The following PACSIN1 variants were observed in gnomAD, a reference collection of about 807,000 sequenced individuals.
The protein encoded by PACSIN1 is protein kinase C and casein kinase substrate in neurons 1.
Under a neutral mutation model 59.5 loss-of-function variants are expected in PACSIN1, and 15 were observed. The ratio of observed to expected loss-of-function variants is 0.25; its 90% CI spans 0.17 to 0.39. The LOEUF is 0.39. PACSIN1 is among the 10% of genes least tolerant of loss of function. The pLI, the probability that PACSIN1 is intolerant of heterozygous loss-of-function variation, is 1.00. For synonymous variants in PACSIN1, 210 were observed against 220.6 expected, an observed-to-expected ratio of 0.95 and a Z score of 0.42; for missense variants, 420 against 580.2, an observed-to-expected ratio of 0.72 and a Z score of 2.84.
At position 34,521,300 on chromosome 6, in the gene PACSIN1, C is replaced by A. The variant is rs1384701585; in HGVS notation, c.-63-4943C>A. ...TGGGAGCAGCTGGGTGACTCCCAGG[C>A]CTGTGATTGGTGACCACTGAGGTAG... On this transcript the variant is annotated intron_variant, in intron 1 of 9. Coordinates refer to ENST00000244458, the MANE Select transcript of PACSIN1 (RefSeq NM_020804.5). The surrounding 1 kb of genome is among the most constrained non-coding windows in gnomAD (Gnocchi z 4.3). Among the ~76,000 whole-genome samples, 4 of 152,212 alleles carry A rather than the reference C, an allele frequency of 2.6e-5. No individual in the cohort carries two copies. In the East Asian group the frequency reaches 7.7e-4, roughly 29 times the overall value.
At position 34,518,756 on chromosome 6, in the gene PACSIN1, C is replaced by T. The variant is rs1037156830; in HGVS notation, c.-63-7487C>T. Among the ~76,000 whole-genome samples the T allele has an allele frequency of 2.0e-5, 3 of 152,214 alleles. No individual in the cohort carries two copies. Among genetic ancestry groups the T allele is most frequent in the East Asian group, 1.9e-4 (1 of 5,196 alleles). The stretch of plus-strand genomic sequence containing the variant: ...CCACCACCCTTTGCCCTGTCCCTCA[C>T]GCTGGCTGAATTTTCTCTGAACTGT... On this transcript the variant is annotated intron_variant, in intron 1 of 9. Transcript: ENST00000244458. The surrounding 1 kb of genome is among the most constrained non-coding windows in gnomAD (Gnocchi z 4.4).
In PACSIN1 at chr6:34,531,390, C is replaced by A. The variant is rs556185153; in HGVS notation, c.1038-210C>A. 3.9e-5 allele frequency among the ~76,000 whole-genome samples: 6 copies of A among 152,260 alleles called. No individual in the cohort carries two copies. The highest frequency in any genetic ancestry group is 1.4e-4 in the African/African-American group (6 of 41,536). ...ATGTGCCCTGGGGTCCCCTTCAATGCCCTCTCCCTCGAGGGCTGAATAATA... is the reference window on the plus strand; with the variant it reads ...ATGTGCCCTGGGGTCCCCTTCAATGACCTCTCCCTCGAGGGCTGAATAATA... On this transcript the variant is annotated intron_variant, in intron 8 of 9. Coordinates refer to ENST00000244458, the MANE Select transcript of PACSIN1 (RefSeq NM_020804.5). The surrounding 1 kb of genome is among the most constrained non-coding windows in gnomAD (Gnocchi z 4.4).
At chr6:34,473,421 C>CT (rs1766598582) in intron 1 of PACSIN1, among the ~76,000 whole-genome samples, 1 of 152,144 alleles carries the variant, frequency 6.6e-6, no homozygotes. Context: ...CTCATTGGAC[C>CT]TTGTGGGACA....
At position 34,514,420 on chromosome 6, in the gene PACSIN1, G is replaced by A. The variant is rs1767252774; in HGVS notation, c.-63-11823G>A. Among the ~76,000 whole-genome samples the A allele has an allele frequency of 6.6e-6, 1 of 152,150 alleles. No individual in the cohort carries two copies. The highest frequency in any genetic ancestry group is 2.1e-4 in the South Asian group (1 of 4,830). On this transcript the variant is annotated intron_variant, in intron 1 of 9. Coordinates refer to ENST00000244458, the MANE Select transcript of PACSIN1 (RefSeq NM_020804.5). This position sits in a 1 kb window ranked among gnomAD's most constrained non-coding sequence, Gnocchi z 4.4. ...CATCTCTCACACTCAGCCTGGCCTA[G>A]AAAAAACTCAAAATTTTGAATTTTC...
chr6:34,500,256 G>A (rs1767004563), intron 1 of PACSIN1, among the ~76,000 whole-genome samples: 1 of 152,130 alleles, frequency 6.6e-6, no homozygotes, highest in Non-Finnish European at 1.5e-5. Context: ...ACAAGTGTTG[G>A]GAGTCTCTGA....
intron 1 of PACSIN1, among the ~76,000 whole-genome samples, chr6:34,501,387 C>A (rs1767020359): frequency 6.6e-6 from 1 of 151,884 alleles, no homozygotes; most frequent in Non-Finnish European, 1.5e-5. Context: ...GGTCCAACCC[C>A]CTCAGTTTGA....
intron 1 of PACSIN1, among the ~76,000 whole-genome samples, chr6:34,517,784 C>T (rs1228253965): frequency 6.6e-6 from 1 of 152,234 alleles, no homozygotes; most frequent in African/African-American, 2.4e-5. Context: ...GCCCTTATCA[C>T]CTTCTAACAT....
At chr6:34,512,419 A>T (rs1435109764) in intron 1 of PACSIN1, among the ~76,000 whole-genome samples, 2 of 152,058 alleles carry the variant, frequency 1.3e-5, no homozygotes, top group Non-Finnish European at 2.9e-5. Context: ...TAAGAGAAAG[A>T]TGATCCAGGG....
Position 34,531,337 on chromosome 6 carries a change from G to A in PACSIN1, c.1038-263G>A, listed in dbSNP as rs1767589806. 6.6e-6 allele frequency among the ~76,000 whole-genome samples: 1 copy of A among 152,136 alleles called. No individual in the cohort carries two copies. Among genetic ancestry groups the A allele is most frequent in the South Asian group, 2.1e-4 (1 of 4,828 alleles). The stretch of plus-strand genomic sequence containing the variant: ...GATCCTTGCTCTTAAACATTAGGTG[G>A]TACTCCTCCTCCCGGATGAAGGCTC... On this transcript the variant is annotated intron_variant, in intron 8 of 9. Transcript: ENST00000244458. The surrounding 1 kb of genome is among the most constrained non-coding windows in gnomAD (Gnocchi z 4.4).
At chr6:34,466,856 C>T (rs567859965) in intron 1 of PACSIN1, among the ~76,000 whole-genome samples, 100 of 152,342 alleles carry the variant, frequency 6.6e-4, no homozygotes, top group African/African-American at 2.3e-3. Flanking sequence ...CTGCCCTCCC[C>T]TGCAAGCCCC....
Position 34,525,738 on chromosome 6 carries a change from T to C in PACSIN1, c.-63-505T>C, listed in dbSNP as rs559221147. On this transcript the variant is annotated intron_variant, in intron 1 of 9. Transcript: ENST00000244458. This position sits in a 1 kb window ranked among gnomAD's most constrained non-coding sequence, Gnocchi z 4.9. ...GATAACCCTGATGCCTGCCGACAGA[T>C]CCAGGGCAGACACAGCCACCCCAGA... Among the ~76,000 whole-genome samples the C allele has an allele frequency of 6.6e-6, 1 of 151,896 alleles. No individual in the cohort carries two copies. Among genetic ancestry groups the C allele is most frequent in the Non-Finnish European group, 1.5e-5 (1 of 67,940 alleles).
In PACSIN1 at chr6:34,518,504, C is replaced by A. The variant is rs561108384; in HGVS notation, c.-63-7739C>A. ...CACTTTGGGCTCCCCGAGAAGCCAA[C>A]CCCAAGACAAGGATATGATTCATTT... On this transcript the variant is annotated intron_variant, in intron 1 of 9. Transcript: ENST00000244458. This position sits in a 1 kb window ranked among gnomAD's most constrained non-coding sequence, Gnocchi z 4.4. Among the ~76,000 whole-genome samples, 3 of 152,194 alleles carry A rather than the reference C, an allele frequency of 2.0e-5. No individual in the cohort carries two copies. Among genetic ancestry groups the A allele is most frequent in the African/African-American group, 7.2e-5 (3 of 41,450 alleles).
In PACSIN1 at chr6:34,516,402, C is replaced by T. The variant is rs937411291; in HGVS notation, c.-63-9841C>T. On this transcript the variant is annotated intron_variant, in intron 1 of 9. Transcript: ENST00000244458. This position sits in a 1 kb window ranked among gnomAD's most constrained non-coding sequence, Gnocchi z 5.4. ...GGGCAGGTCTCGGGGATGGCAGAAA[C>T]GGGATGCAGATTCGCCTGTGCGCAC... Among the ~76,000 whole-genome samples, 6 of 152,194 alleles carry T rather than the reference C, an allele frequency of 3.9e-5. No homozygotes were observed. The highest frequency in any genetic ancestry group is 1.4e-4 in the African/African-American group (6 of 41,458).
chr6:34,508,101 TTTTG>T (rs928201935), intron 1 of PACSIN1, among the ~76,000 whole-genome samples: 7 of 149,414 alleles, frequency 4.7e-5, no homozygotes, highest in Admixed American at 6.6e-5. Flanking sequence ...GTAGTTCTTT[TTTTG>T]TTTGTTTGTT....
chr6:34,516,771 C>T lies in PACSIN1; in HGVS notation c.-63-9472C>T, dbSNP rs544264918. ...CAGGATGGGCTTCTGGGACACATTT[C>T]CCTGGCCCAATTCATTGCACACAAC... On this transcript the variant is annotated intron_variant, in intron 1 of 9. Transcript: ENST00000244458. This position sits in a 1 kb window ranked among gnomAD's most constrained non-coding sequence, Gnocchi z 5.4. Among the ~76,000 whole-genome samples the T allele has an allele frequency of 4.9e-4, 75 of 152,320 alleles. No individual in the cohort carries two copies. The highest frequency in any genetic ancestry group is 1.7e-3 in the African/African-American group (71 of 41,584).
At position 34,521,054 on chromosome 6, in the gene PACSIN1, G is replaced by A. The variant is rs190733778; in HGVS notation, c.-63-5189G>A. Among the ~76,000 whole-genome samples, 40 of 152,318 alleles carry A rather than the reference G, an allele frequency of 2.6e-4. No individual in the cohort carries two copies. The East Asian group carries it at 6.7e-3, about 26-fold the overall frequency. ...CATTCATTCAACAAAAGTGCACTGC[G>A]CACTTACTATGTTGCCGGCACTGCA... On this transcript the variant is annotated intron_variant, in intron 1 of 9. Coordinates refer to ENST00000244458, the MANE Select transcript of PACSIN1 (RefSeq NM_020804.5). This position sits in a 1 kb window ranked among gnomAD's most constrained non-coding sequence, Gnocchi z 4.3.
chr6:34,468,499 A>G (rs1057485945), intron 1 of PACSIN1, among the ~76,000 whole-genome samples: 1 of 152,102 alleles, frequency 6.6e-6, no homozygotes, highest in Non-Finnish European at 1.5e-5. Context: ...TGGCTCTGCC[A>G]CCATTCCCAC....
chr6:34,498,104 C>G (rs1347156079), intron 1 of PACSIN1, among the ~76,000 whole-genome samples: 1 of 152,156 alleles, frequency 6.6e-6, no homozygotes, highest in Non-Finnish European at 1.5e-5. Flanking sequence ...CCTCTGTCAC[C>G]AGGCTGGAGT....
Position 34,532,383 on chromosome 6 carries a change from C to G in PACSIN1, c.1226-38C>G, listed in dbSNP as rs1364605211. 1.5e-6 allele frequency: 2 copies of G among 1,372,470 alleles called. No individual in the cohort carries two copies. The highest frequency in any genetic ancestry group is 5.0e-5 in the East Asian group (2 of 40,060). 85.0% of individuals were successfully genotyped at this position (1,372,470 alleles called of 1,614,324 possible). ...AGCCGGTGCGTTGAGGGAGGGGCAG[C>G]CTTCTCTCTGAGCCCCTCCCTGTGT... On this transcript the variant is annotated intron_variant, in intron 9 of 9. Coordinates refer to ENST00000244458, the MANE Select transcript of PACSIN1 (RefSeq NM_020804.5). This position sits in a 1 kb window ranked among gnomAD's most constrained non-coding sequence, Gnocchi z 5.2.
Sources: gnomAD v4.1 joint callset for allele counts (sites outside exome capture counted in the v4.1 genomes callset) on GRCh38, gnomAD v4.1.1 for gene constraint, Gnocchi (gnomAD v3.1) non-coding constraint, MANE v1.5 for transcripts, NCBI Gene and HGNC (gene_info 2026-07-23, HGNC 2026-07-21) for gene names.